Variants in ZFHX3 observed in about 807,000 individuals in gnomAD.
The protein encoded by ZFHX3 is zinc finger homeobox 3.
In ZFHX3, 42 loss-of-function variants were observed where a neutral mutation model predicts 279.1. The observed-to-expected ratio is 0.15, with a 90% CI of 0.12 to 0.19. The LOEUF is 0.19. Ranked by LOEUF, ZFHX3 falls within the 10% of genes least tolerant of loss-of-function variation. The pLI is 1.00. For missense variants in ZFHX3, 4,981 were observed against 4,754.0 expected (o/e 1.05, Z -1.40); for synonymous variants, 2,293 against 1,957.8 (o/e 1.17, Z -4.52).
At chr16:73,511,515 C>G (rs1200844457) in intron 2 of ZFHX3, among the ~76,000 whole-genome samples, 1 of 152,182 alleles carries the variant, frequency 6.6e-6, no homozygotes, top group Admixed American at 6.5e-5. Flanking sequence ...GAAATGTGCA[C>G]AGCCTTAGGA....
intron 1 of ZFHX3, among the ~76,000 whole-genome samples, chr16:73,690,502 G>T (rs547356528): frequency 6.6e-6 from 1 of 152,292 alleles, no homozygotes; most frequent in African/African-American, 2.4e-5. Flanking sequence ...CTTTCACACT[G>T]TGGCAATTGT....
At chr16:73,579,505 TC>T (rs1179794383) in intron 2 of ZFHX3, among the ~76,000 whole-genome samples, 1 of 151,120 alleles carries the variant, frequency 6.6e-6, no homozygotes, top group African/African-American at 2.4e-5. Context: ...ATTATTATAA[TC>T]TTTTTTTTTT....
chr16:73,058,696 T>TGGCGGCGGCGGCGGCGGC (rs552488803), exon 1 of ZFHX3: 6 of 168,138 alleles, frequency 3.6e-5, no homozygotes, highest in African/African-American at 6.1e-5. Context: ...GACGCGCTGC[T>TGGCGGCGGCGGCGGCGGC]GGCGGCGGCG....
At chr16:73,482,490 G>T (rs1597352865) in intron 2 of ZFHX3, among the ~76,000 whole-genome samples, 2 of 152,172 alleles carry the variant, frequency 1.3e-5, no homozygotes, top group Middle Eastern at 6.8e-3. Flanking sequence ...GCCCCTCCCT[G>T]CACACATCCA....
intron 3 of ZFHX3, among the ~76,000 whole-genome samples, chr16:73,358,419 C>T (rs2016381152): frequency 6.6e-6 from 1 of 152,182 alleles, no homozygotes; most frequent in Non-Finnish European, 1.5e-5. Context: ...AGCCTCTGGC[C>T]AAGAACCCAT....
At chr16:73,443,921 A>T (rs1194732648) in intron 3 of ZFHX3, among the ~76,000 whole-genome samples, 1 of 151,814 alleles carries the variant, frequency 6.6e-6, no homozygotes, top group Non-Finnish European at 1.5e-5. Flanking sequence ...TGCCCAGCTA[A>T]TTTTTTTATT....
intron 3 of ZFHX3, among the ~76,000 whole-genome samples, chr16:73,439,980 C>T (rs975580125): frequency 1.4e-5 from 2 of 145,056 alleles, no homozygotes; most frequent in Non-Finnish European, 3.0e-5. Context: ...AAAGAGGTTA[C>T]GGTGTAGGCA....
chr16:73,299,249 T>A (rs2014997837), intron 4 of ZFHX3, among the ~76,000 whole-genome samples: 1 of 152,114 alleles, frequency 6.6e-6, no homozygotes, highest in Non-Finnish European at 1.5e-5. Flanking sequence ...AGTTATAGCA[T>A]CCGAACATTG....
chr16:73,230,528 T>G (rs1159735924), intron 5 of ZFHX3, among the ~76,000 whole-genome samples: 1 of 152,184 alleles, frequency 6.6e-6, no homozygotes, highest in Non-Finnish European at 1.5e-5. Context: ...TAGAACACCA[T>G]GCAAATGGAG....
chr16:73,199,035 C>T (rs774614439), intron 5 of ZFHX3, among the ~76,000 whole-genome samples: 1 of 152,198 alleles, frequency 6.6e-6, no homozygotes, highest in Non-Finnish European at 1.5e-5. Context: ...CAAAACAAAG[C>T]TCTTTGACTA....
chr16:73,745,007 T>C (rs1484456775), intron 1 of ZFHX3, among the ~76,000 whole-genome samples: 1 of 152,188 alleles, frequency 6.6e-6, no homozygotes, highest in Admixed American at 6.5e-5. Context: ...GTAATTCCTG[T>C]AAAAGGTCAT....
rs202200588 is a variant in ZFHX3 at position 72,943,025 on chromosome 16, AAT to A, written c.3216+7442_3216+7443del. On this transcript the variant is annotated intron_variant, in intron 3 of 9. Coordinates refer to ENST00000268489, the MANE Select transcript of ZFHX3 (RefSeq NM_006885.4). Reference sequence around the variant, plus strand: ...GTGTCTCCGAAGACAGTATTCCGTAAATATGTTCTGATTTACCTAAATCTGTG... The same window carrying A: ...GTGTCTCCGAAGACAGTATTCCGTAAATGTTCTGATTTACCTAAATCTGTG... 5.8e-4 allele frequency among the ~76,000 whole-genome samples: 88 copies of A among 152,320 alleles called. 2 individuals are homozygous for A. The East Asian group carries it at 0.014, about 25-fold the overall frequency.
intron 2 of ZFHX3, among the ~76,000 whole-genome samples, chr16:73,579,562 C>T (rs1412176525): frequency 6.0e-5 from 9 of 149,958 alleles, no homozygotes; most frequent in Non-Finnish European, 1.0e-4. Context: ...AGTGCAGTGG[C>T]GTGATCTTGG....
chr16:73,363,113 C>T lies in ZFHX3; in HGVS notation c.-1290-44777G>A, dbSNP rs569139638. On this transcript the variant is annotated intron_variant, in intron 3 of 17. Transcript: ENST00000641206. ...TGTGAGTCCTGGTGGCCAGGCCACA[C>T]GGAATAGAATTGAGGCACCAGGCTG... Among the ~76,000 whole-genome samples, 6 of 152,084 alleles carry T rather than the reference C, an allele frequency of 3.9e-5. No homozygotes were observed. In the South Asian group the frequency reaches 6.2e-4, roughly 16 times the overall value.
chr16:73,881,488 C>A (rs1039901879), intron 1 of ZFHX3, among the ~76,000 whole-genome samples: 6 of 86,660 alleles, frequency 6.9e-5, no homozygotes, highest in African/African-American at 2.1e-4. Flanking sequence ...CTGCCCCCCC[C>A]CCCCACTCTG....
intron 5 of ZFHX3, among the ~76,000 whole-genome samples, chr16:73,165,427 C>A (rs943131812): frequency 6.6e-6 from 1 of 152,204 alleles, no homozygotes; most frequent in Non-Finnish European, 1.5e-5. Context: ...GAACCCCATC[C>A]ACACTCTGCC....
At chr16:73,323,093 C>T (rs2015611229) in intron 3 of ZFHX3, among the ~76,000 whole-genome samples, 1 of 152,116 alleles carries the variant, frequency 6.6e-6, no homozygotes, top group Admixed American at 6.5e-5. Flanking sequence ...TTGCCAAGAA[C>T]AAGAGTTGCT....
intron 4 of ZFHX3, among the ~76,000 whole-genome samples, chr16:72,844,293 T>C (rs1157400339): frequency 6.6e-6 from 1 of 152,154 alleles, no homozygotes; most frequent in African/African-American, 2.4e-5. Flanking sequence ...AACAGACCCT[T>C]TTTTCCCTGC....
At chr16:73,581,899 C>A (rs1213562791) in intron 2 of ZFHX3, among the ~76,000 whole-genome samples, 3 of 151,614 alleles carry the variant, frequency 2.0e-5, no homozygotes, top group Non-Finnish European at 2.9e-5. Flanking sequence ...TGGTCTCGAT[C>A]TCCTGACCTC....
Sources: allele counts gnomAD v4.1 joint callset (sites outside exome capture counted in the v4.1 genomes callset), GRCh38; gene constraint gnomAD v4.1.1; transcripts MANE v1.5; gene names NCBI Gene and HGNC (gene_info 2026-07-23, HGNC 2026-07-21).